PLEKHH2: variants seen among roughly 807,000 people sequenced by gnomAD.
PLEKHH2 encodes the protein pleckstrin homology domain-containing family H member 2.
Under a neutral mutation model 187.9 loss-of-function variants are expected in PLEKHH2, and 129 were observed. That is an observed-to-expected ratio of 0.69 (90% CI 0.59 to 0.79). The LOEUF (loss-of-function observed/expected upper bound fraction) is 0.79. Ranked by LOEUF, PLEKHH2 falls within the 30% of genes least tolerant of loss-of-function variation. The pLI, the probability that PLEKHH2 is intolerant of heterozygous loss-of-function variation, is 0.00. For synonymous variants in PLEKHH2, 686 were observed against 605.6 expected, an observed-to-expected ratio of 1.13 and a Z score of -1.95; for missense variants, 2,076 against 1,751.2, an observed-to-expected ratio of 1.19 and a Z score of -3.31.
At chr2:43,688,264 G>A (rs1285209108) in intron 3 of PLEKHH2, among the ~76,000 whole-genome samples, 1 of 152,196 alleles carries the variant, frequency 6.6e-6, no homozygotes, top group Non-Finnish European at 1.5e-5. Context: ...TAAGGAAGTT[G>A]TTATTGTATG....
At chr2:43,642,376 T>TA (rs1182785546) in intron 1 of PLEKHH2, among the ~76,000 whole-genome samples, 1 of 152,168 alleles carries the variant, frequency 6.6e-6, no homozygotes, top group African/African-American at 2.4e-5. Flanking sequence ...GTGGATTCCT[T>TA]AGAATTTTCT....
rs869116400 is a variant in PLEKHH2, at chr2:43,639,650, C to CTT, written c.-4+2294_-4+2295dup. ...AATATTCCATTGTATGGATGTACCA[C>CTT]TTTTTTTTTTTTTTTTTTTTTTTTG... On this transcript the variant is annotated intron_variant, in intron 1 of 29. Coordinates refer to ENST00000282406, the MANE Select transcript of PLEKHH2 (RefSeq NM_172069.4). Among the ~76,000 whole-genome samples the CTT allele has an allele frequency of 8.9e-3, 888 of 99,232 alleles. 4 individuals are homozygous for CTT. Among genetic ancestry groups the CTT allele is most frequent in the East Asian group, 0.022 (79 of 3,622 alleles). 65.1% of individuals were successfully genotyped at this position (99,232 alleles called of 152,430 possible). A position where few individuals can be genotyped will look rare whatever the true frequency, so the allele number is the denominator to read the frequency against.
intron 24 of PLEKHH2, among the ~76,000 whole-genome samples, chr2:43,750,429 C>T (rs1051532013): frequency 6.6e-6 from 1 of 151,928 alleles, no homozygotes; most frequent in Non-Finnish European, 1.5e-5. Flanking sequence ...CCAAATCGTG[C>T]CACTGCATGC....
intron 3 of PLEKHH2, among the ~76,000 whole-genome samples, chr2:43,687,460 G>A (rs989117774): frequency 4.6e-5 from 7 of 152,196 alleles, no homozygotes; most frequent in African/African-American, 1.7e-4. Context: ...AAACATAGAA[G>A]TGCATGTGTC....
intron 1 of PLEKHH2, among the ~76,000 whole-genome samples, chr2:43,643,975 C>G (rs1487330688): frequency 6.6e-6 from 1 of 152,102 alleles, no homozygotes; most frequent in African/African-American, 2.4e-5. Flanking sequence ...TCCAGATTTA[C>G]TTCATATGGC....
chr2:43,735,034 A>C (rs902607401), intron 19 of PLEKHH2, among the ~76,000 whole-genome samples: 3 of 152,060 alleles, frequency 2.0e-5, no homozygotes, highest in African/African-American at 7.2e-5. Flanking sequence ...TACTAAAAAT[A>C]CAAAAATTAA....
chr2:43,743,983 C>T lies in PLEKHH2; in HGVS notation c.3549C>T (p.Asn1183=), dbSNP rs771128336. 1 of 1,613,280 alleles carries T rather than the reference C, an allele frequency of 6.2e-7. No homozygotes were observed. The highest frequency in any genetic ancestry group is 8.5e-7 in the Non-Finnish European group (1 of 1,179,424). ...GRDLEHCLQG[N]IKICDIISKW... ...ATTTAGAGCATTGTCTTCAAGGAAA[C>T]ATCAAGGTGAAACCAAGTCCTTTTC... The change falls in exon 23 of 30, where the codon AAC becomes AAT. Residue 1183 remains asparagine, a synonymous_variant. Transcript: ENST00000282406.
intron 2 of PLEKHH2, among the ~76,000 whole-genome samples, chr2:43,665,771 C>T (rs1473266956): frequency 3.7e-5 from 5 of 133,510 alleles, no homozygotes; most frequent in Admixed American, 1.5e-4. Context: ...GGGGTGCCTC[C>T]CAGTTAGGCT....
chr2:43,736,756 C>A (rs1671314780), intron 19 of PLEKHH2, among the ~76,000 whole-genome samples: 1 of 152,002 alleles, frequency 6.6e-6, no homozygotes, highest in African/African-American at 2.4e-5. Context: ...TCACTTGAAC[C>A]CAGGAGGCAG....
intron 15 of PLEKHH2, among the ~76,000 whole-genome samples, chr2:43,715,190 C>A (rs897660180): frequency 6.6e-6 from 1 of 151,836 alleles, no homozygotes; most frequent in Non-Finnish European, 1.5e-5. Context: ...GCAGGAGAAT[C>A]GCCTGAACTT....
At position 43,681,050 on chromosome 2, in the gene PLEKHH2, A is replaced by G. The variant is rs897275110; in HGVS notation, c.186+2125A>G. On this transcript the variant is annotated intron_variant, in intron 3 of 29. Coordinates refer to ENST00000282406, the MANE Select transcript of PLEKHH2 (RefSeq NM_172069.4). ...AATGCCAACTGGAATTCCTTCCTGT[A>G]CCATTATGATTCCAATCTACTGTTC... 14 of 1,292,486 alleles carry G rather than the reference A, an allele frequency of 1.1e-5. No individual in the cohort carries two copies. In the African/African-American group the frequency reaches 1.9e-4, roughly 18 times the overall value. 80.1% of individuals were successfully genotyped at this position (1,292,486 alleles called of 1,614,324 possible). A position where few individuals can be genotyped will look rare whatever the true frequency, so the allele number is the denominator to read the frequency against.
chr2:43,683,142 C>CTTTTTTTTTTTTTTTTTTTTTTTTCCT (rs34805310), intron 3 of PLEKHH2, among the ~76,000 whole-genome samples: 1 of 94,564 alleles, frequency 1.1e-5, no homozygotes, highest in Non-Finnish European at 2.0e-5. Context: ...TTTATATACC[C>CTTTTTTTTTTTTTTTTTTTTTTTTCCT]TTTTTTTTTT....
intron 15 of PLEKHH2, among the ~76,000 whole-genome samples, chr2:43,712,910 G>A (rs565421188): frequency 2.6e-5 from 4 of 152,072 alleles, no homozygotes; most frequent in African/African-American, 4.8e-5. Context: ...AAAGTAAGAC[G>A]TTTTTACAAA....
intron 2 of PLEKHH2, among the ~76,000 whole-genome samples, chr2:43,670,635 T>C (rs1011344128): frequency 4.0e-5 from 6 of 150,326 alleles, no homozygotes; most frequent in African/African-American, 7.4e-5. Context: ...TTTTTTTTTT[T>C]CTAAGCTGCT....
intron 15 of PLEKHH2, among the ~76,000 whole-genome samples, chr2:43,718,091 A>G (rs1456356660): frequency 1.3e-5 from 2 of 152,222 alleles, no homozygotes; most frequent in Non-Finnish European, 2.9e-5. Context: ...AAGATTTCAA[A>G]CAAAACCAAT....
At chr2:43,697,114 T>C (rs1402901165) in intron 6 of PLEKHH2, 57 bp from the exon 7 acceptor site, 1 of 1,419,824 alleles carries the variant, frequency 7.0e-7, no homozygotes, top group East Asian at 2.3e-5. Flanking sequence ...CTTGGTTCTA[T>C]GTTTAACAAA....
chr2:43,700,096 G>A lies in PLEKHH2; in HGVS notation c.1138G>A (p.Asp380Asn). Reference protein sequence around the residue: ...GNSELSKKEQDSSSDELNKKF... With the variant: ...GNSELSKKEQNSSSDELNKKF... ...TTCTGAATTAAGTAAAAAGGAACAA[G>A]ATAGTTCCTCGGATGAACTGAATAA... Residue 380 changes from aspartate to asparagine, a missense_variant, in exon 8 of 30, where the codon GAT (aspartate) becomes AAT (asparagine). Coordinates refer to ENST00000282406, the MANE Select transcript of PLEKHH2 (RefSeq NM_172069.4). 6.2e-7 allele frequency: 1 copy of A among 1,614,098 alleles called. No individual in the cohort carries two copies. The highest frequency in any genetic ancestry group is 1.3e-5 in the African/African-American group (1 of 75,052).
intron 25 of PLEKHH2, among the ~76,000 whole-genome samples, chr2:43,754,576 T>C (rs1300805592): frequency 6.6e-6 from 1 of 152,158 alleles, no homozygotes; most frequent in Non-Finnish European, 1.5e-5. Flanking sequence ...TGTGCCCAGC[T>C]AAATTTAAGG....
At chr2:43,727,277 T>A (rs995993274) in intron 17 of PLEKHH2, among the ~76,000 whole-genome samples, 1 of 151,762 alleles carries the variant, frequency 6.6e-6, no homozygotes, top group Non-Finnish European at 1.5e-5. Context: ...CCAGGCGAGG[T>A]GGCGTGTGCC....
Sources: allele counts gnomAD v4.1 joint callset (sites outside exome capture counted in the v4.1 genomes callset), GRCh38; gene constraint gnomAD v4.1.1; transcripts MANE v1.5; gene names NCBI Gene and HGNC (gene_info 2026-07-23, HGNC 2026-07-21).